NKAIN3: variants seen among roughly 807,000 people sequenced by gnomAD.
The protein encoded by NKAIN3 is sodium/potassium transporting ATPase interacting 3.
A neutral mutation model predicts 30.2 loss-of-function variants in NKAIN3; 25 were observed. That is an observed-to-expected ratio of 0.83 (90% CI 0.60 to 1.16). The LOEUF is 1.16. Ranked by LOEUF, NKAIN3 falls within the 50% of genes most tolerant of loss-of-function variation. NKAIN3 has a pLI of 0.00. For missense variants in NKAIN3, 225 were observed against 254.1 expected (o/e 0.89, Z 0.78); for synonymous variants, 91 against 89.6 (o/e 1.02, Z -0.09).
intron 1 of NKAIN3, among the ~76,000 whole-genome samples, chr8:62,341,841 G>C (rs1757362433): frequency 6.6e-6 from 1 of 152,002 alleles, no homozygotes; most frequent in African/African-American, 2.4e-5. Context: ...GACCTGCGGA[G>C]TTAGATGACA....
chr8:62,764,233 G>T (rs1374761533), intron 4 of NKAIN3, among the ~76,000 whole-genome samples: 3 of 152,186 alleles, frequency 2.0e-5, no homozygotes, highest in African/African-American at 7.2e-5. Context: ...TATTCCATGT[G>T]CCTGGTATCT....
At chr8:62,571,246 C>T (rs1270213055) in intron 1 of NKAIN3, among the ~76,000 whole-genome samples, 3 of 151,688 alleles carry the variant, frequency 2.0e-5, no homozygotes, top group Non-Finnish European at 4.4e-5. Context: ...AGTGATTCTC[C>T]TGCCTCAGCC....
intron 1 of NKAIN3, among the ~76,000 whole-genome samples, chr8:62,507,822 C>T (rs565297672): frequency 6.6e-6 from 1 of 152,222 alleles, no homozygotes; most frequent in Admixed American, 6.5e-5. Flanking sequence ...CTGCAAAGGC[C>T]ACCAACAGAG....
At chr8:62,779,918 A>T (rs1157673094) in intron 4 of NKAIN3, among the ~76,000 whole-genome samples, 1 of 152,006 alleles carries the variant, frequency 6.6e-6, no homozygotes, top group African/African-American at 2.4e-5. Flanking sequence ...AACAAACAAA[A>T]CCCCAAATTG....
At chr8:62,554,401 A>T (rs1039590166) in intron 1 of NKAIN3, among the ~76,000 whole-genome samples, 6 of 152,162 alleles carry the variant, frequency 3.9e-5, no homozygotes, top group Non-Finnish European at 7.4e-5. Context: ...ATGAAGCAGG[A>T]ACCCCAAACA....
intron 1 of NKAIN3, among the ~76,000 whole-genome samples, chr8:62,390,333 A>G (rs565239389): frequency 6.6e-6 from 1 of 152,264 alleles, no homozygotes; most frequent in Admixed American, 6.5e-5. Flanking sequence ...TGCTAAGGAT[A>G]ATGTCTGCCG....
chr8:62,900,397 CT>C (rs1275003717), intron 4 of NKAIN3, among the ~76,000 whole-genome samples: 1 of 152,172 alleles, frequency 6.6e-6, no homozygotes, highest in Non-Finnish European at 1.5e-5. Flanking sequence ...TATAAAAGAC[CT>C]TGCCACTACT....
intron 3 of NKAIN3, among the ~76,000 whole-genome samples, chr8:62,669,796 A>T (rs891700965): frequency 6.6e-6 from 1 of 152,208 alleles, no homozygotes. Flanking sequence ...ATACTGCATG[A>T]GTGCATTACA....
intron 4 of NKAIN3, chr8:62,863,633 T>G (rs1470108798): frequency 8.1e-7 from 1 of 1,230,030 alleles, no homozygotes. Context: ...CATGTCTTTG[T>G]TTGGGTCACT....
intron 3 of NKAIN3, among the ~76,000 whole-genome samples, chr8:62,666,475 G>A (rs368468448): frequency 1.3e-5 from 2 of 152,246 alleles, no homozygotes; most frequent in East Asian, 1.9e-4. Context: ...ATTACAGAGA[G>A]ATATTGGGCA....
intron 3 of NKAIN3, among the ~76,000 whole-genome samples, chr8:62,727,920 C>T (rs1042627409): frequency 6.6e-5 from 10 of 151,980 alleles, no homozygotes; most frequent in Admixed American, 1.3e-4. Flanking sequence ...TGTAAGTGTA[C>T]GGTTGGATGA....
intron 1 of NKAIN3, among the ~76,000 whole-genome samples, chr8:62,534,287 A>G (rs187558343): frequency 6.6e-6 from 1 of 152,276 alleles, no homozygotes; most frequent in Non-Finnish European, 1.5e-5. Context: ...GGTTAATGAC[A>G]ACCAAGCTAG....
chr8:62,489,183 A>ATTTTT (rs56881745), intron 1 of NKAIN3, among the ~76,000 whole-genome samples: 4 of 142,592 alleles, frequency 2.8e-5, no homozygotes, highest in South Asian at 2.3e-4. Context: ...CACCTGGCTA[A>ATTTTT]TTTTTTTTTT....
At chr8:62,344,580 T>C (rs1284937712) in intron 1 of NKAIN3, among the ~76,000 whole-genome samples, 2 of 152,092 alleles carry the variant, frequency 1.3e-5, no homozygotes, top group Non-Finnish European at 2.9e-5. Flanking sequence ...TAGAAAAGCA[T>C]ACTACAACAG....
chr8:62,491,748 G>GAAA lies in NKAIN3; in HGVS notation c.55-87791_55-87790insAAA, dbSNP rs1162546160. 8.5e-5 allele frequency among the ~76,000 whole-genome samples: 13 copies of GAAA among 152,206 alleles called. No homozygotes were observed. In the South Asian group the frequency reaches 2.7e-3, roughly 32 times the overall value. On this transcript the variant is annotated intron_variant, in intron 1 of 6. Transcript: ENST00000623646. ...GTAGCTGTAGGAAATAAAAGTCTAGGTTAAAGAGAATTACTCAGTATTGTC... is the reference window on the plus strand; with the variant it reads ...GTAGCTGTAGGAAATAAAAGTCTAGGAAATTAAAGAGAATTACTCAGTATTGTC...
intron 3 of NKAIN3, among the ~76,000 whole-genome samples, chr8:62,610,357 A>T (rs1287860014): frequency 2.6e-5 from 4 of 152,096 alleles, no homozygotes; most frequent in African/African-American, 9.6e-5. Flanking sequence ...GAAAAAAAAA[A>T]AAAAAGTGCT....
chr8:62,264,883 T>C (rs1311866160), intron 1 of NKAIN3, among the ~76,000 whole-genome samples: 8 of 152,084 alleles, frequency 5.3e-5, no homozygotes, highest in Non-Finnish European at 1.0e-4. Flanking sequence ...ACTAGCCACA[T>C]GTTTTGTGAA....
At chr8:62,567,896 T>C (rs139859540) in intron 1 of NKAIN3, among the ~76,000 whole-genome samples, 114 of 152,270 alleles carry the variant, frequency 7.5e-4, no homozygotes, top group African/African-American at 2.4e-3. Flanking sequence ...GCTAGAACAC[T>C]GAAATAGCAA....
chr8:62,599,202 G>T (rs1016065333), intron 3 of NKAIN3, among the ~76,000 whole-genome samples: 7 of 151,990 alleles, frequency 4.6e-5, no homozygotes, highest in African/African-American at 1.4e-4. Context: ...TGTCTCATCT[G>T]CCAGCCTGCC....
Sources: gnomAD v4.1 joint callset for allele counts (sites outside exome capture counted in the v4.1 genomes callset) on GRCh38, gnomAD v4.1.1 for gene constraint, MANE v1.5 for transcripts, NCBI Gene and HGNC (gene_info 2026-07-23, HGNC 2026-07-21) for gene names.